Variants in ANO2 observed in about 807,000 individuals in gnomAD.
ANO2 encodes anoctamin 2.
In ANO2, 101 loss-of-function variants were observed where a neutral mutation model predicts 124.2. The observed-to-expected ratio is 0.81, with a 90% CI of 0.69 to 0.96. The LOEUF (loss-of-function observed/expected upper bound fraction) is 0.96, where lower values mean the gene tolerates loss of function less well. Among genes scored for constraint, ANO2 ranks in the 40% least tolerant of loss-of-function variants. The pLI is 0.00. For missense variants in ANO2, 1,293 were observed against 1,274.5 expected (o/e 1.01, Z -0.22); for synonymous variants, 486 against 482.5 (o/e 1.01, Z -0.09).
At chr12:5,825,261 T>C (rs977535486) in intron 7 of ANO2, among the ~76,000 whole-genome samples, 1 of 152,218 alleles carries the variant, frequency 6.6e-6, no homozygotes, top group African/African-American at 2.4e-5. Context: ...AATGGTGGAA[T>C]GGCCTTTTGA....
At chr12:5,735,075 C>T (rs746539978) in intron 13 of ANO2, among the ~76,000 whole-genome samples, 1 of 152,182 alleles carries the variant, frequency 6.6e-6, no homozygotes, top group Non-Finnish European at 1.5e-5. Flanking sequence ...TCCCTCTTTG[C>T]AGCCAAGCAA....
intron 7 of ANO2, among the ~76,000 whole-genome samples, chr12:5,820,371 T>C (rs1029429686): frequency 6.6e-6 from 1 of 152,176 alleles, no homozygotes; most frequent in Non-Finnish European, 1.5e-5. Context: ...CAAAACGTCA[T>C]TGTGATCCTC....
chr12:5,655,924 G>A (rs1947129789), intron 14 of ANO2, among the ~76,000 whole-genome samples: 1 of 152,168 alleles, frequency 6.6e-6, no homozygotes, highest in South Asian at 2.1e-4. Context: ...CCAAAACTCA[G>A]GAAGGGACAT....
intron 14 of ANO2, among the ~76,000 whole-genome samples, chr12:5,688,960 G>C (rs999968584): frequency 3.9e-5 from 6 of 151,982 alleles, no homozygotes; most frequent in African/African-American, 1.5e-4. Flanking sequence ...GATCTCACTA[G>C]GTGTGAAATG....
At chr12:5,894,075 T>C (rs752963582) in intron 3 of ANO2, among the ~76,000 whole-genome samples, 1 of 152,172 alleles carries the variant, frequency 6.6e-6, no homozygotes, top group Non-Finnish European at 1.5e-5. Flanking sequence ...CTGTCTTCCA[T>C]AATGATTGAA....
chr12:5,635,076 A>T lies in ANO2; in HGVS notation c.1816+76T>A. 2.3e-6 allele frequency: 3 copies of T among 1,312,688 alleles called. No individual in the cohort carries two copies. The highest frequency in any genetic ancestry group is 3.0e-6 in the Non-Finnish European group (3 of 989,186). 81.3% of individuals were successfully genotyped at this position (1,312,688 alleles called of 1,614,324 possible). ...ATCCTGTCCCTGTCCCATTTTTTTT[A>T]TTTTATCACCAAAAGCCTTGCACGC... On this transcript the variant is annotated intron_variant, in intron 16 of 24. Transcript: ENST00000682330. The surrounding 1 kb of genome is among the most constrained non-coding windows in gnomAD (Gnocchi z 5.2).
At chr12:5,578,276 C>T in intron 21 of ANO2, 90 bp downstream of exon 21, 2 of 1,515,556 alleles carry the variant, frequency 1.3e-6, no homozygotes, top group Non-Finnish European at 1.8e-6. Context: ...TTTCCCAGCC[C>T]TCTTGATTCC....
At chr12:5,746,922 T>C (rs1951281338) in intron 11 of ANO2, among the ~76,000 whole-genome samples, 1 of 152,244 alleles carries the variant, frequency 6.6e-6, no homozygotes, top group Non-Finnish European at 1.5e-5. Context: ...AATCAATCCC[T>C]TGGTGAGTAG....
chr12:5,657,457 G>A (rs1034658182), intron 14 of ANO2, among the ~76,000 whole-genome samples: 1 of 151,714 alleles, frequency 6.6e-6, no homozygotes, highest in Non-Finnish European at 1.5e-5. Context: ...TCCAGAAAGA[G>A]AGGAAAAATG....
intron 20 of ANO2, among the ~76,000 whole-genome samples, chr12:5,595,962 C>T (rs1943639928): frequency 6.6e-6 from 1 of 152,150 alleles, no homozygotes; most frequent in Non-Finnish European, 1.5e-5. Context: ...TCATATATTG[C>T]CCATGCCTGG....
At chr12:5,672,101 C>T (rs61908101) in intron 14 of ANO2, among the ~76,000 whole-genome samples, 55 of 152,302 alleles carry the variant, frequency 3.6e-4, no homozygotes, top group African/African-American at 1.3e-3. Flanking sequence ...AGCTCTATCT[C>T]GGTCTGCAGG....
At chr12:5,792,577 C>T (rs1282583930) in intron 10 of ANO2, among the ~76,000 whole-genome samples, 1 of 152,194 alleles carries the variant, frequency 6.6e-6, no homozygotes, top group Non-Finnish European at 1.5e-5. Flanking sequence ...TGCTGCATCA[C>T]ATCACACTGA....
At chr12:5,732,896 T>C (rs1950703029) in intron 13 of ANO2, 1 of 1,613,840 alleles carries the variant, frequency 6.2e-7, no homozygotes, top group East Asian at 2.2e-5. Context: ...AGCGCCGGTG[T>C]TGAGAAAAAG....
At chr12:5,828,284 C>T (rs1222993796) in intron 6 of ANO2, among the ~76,000 whole-genome samples, 1 of 152,066 alleles carries the variant, frequency 6.6e-6, no homozygotes, top group African/African-American at 2.4e-5. Flanking sequence ...CAGCCTGGAG[C>T]CCGGCTGACA....
At chr12:5,861,803 C>A (rs1015917286) in intron 3 of ANO2, among the ~76,000 whole-genome samples, 9 of 152,314 alleles carry the variant, frequency 5.9e-5, no homozygotes, top group African/African-American at 2.2e-4. Flanking sequence ...CTGGGAGCCC[C>A]ACACTCTCAG....
At chr12:5,821,986 G>A (rs1397536631) in intron 7 of ANO2, among the ~76,000 whole-genome samples, 1 of 152,148 alleles carries the variant, frequency 6.6e-6, no homozygotes, top group Admixed American at 6.5e-5. Context: ...AGTTGACAGA[G>A]GAAGAGAAGA....
chr12:5,674,475 A>C (rs1162225402), intron 14 of ANO2, among the ~76,000 whole-genome samples: 1 of 152,214 alleles, frequency 6.6e-6, no homozygotes, highest in Admixed American at 6.5e-5. Context: ...GCCAGAATGG[A>C]AGGAACTAAC....
intron 15 of ANO2, among the ~76,000 whole-genome samples, chr12:5,643,331 T>A (rs1946476011): frequency 6.6e-6 from 1 of 152,256 alleles, no homozygotes; most frequent in South Asian, 2.1e-4. Context: ...AAACTGTATA[T>A]ATTCTTTCAT....
chr12:5,739,471 C>T (rs1177670618), intron 12 of ANO2, 72 bp from the exon 13 acceptor site: 19 of 1,271,710 alleles, frequency 1.5e-5, no homozygotes, highest in Non-Finnish European at 2.2e-6. Context: ...TTGGGCTCAC[C>T]AGTGGAGGTG....
Sources: allele counts gnomAD v4.1 joint callset (sites outside exome capture counted in the v4.1 genomes callset), GRCh38; gene constraint gnomAD v4.1.1; non-coding constraint Gnocchi (gnomAD v3.1); transcripts MANE v1.5; gene names NCBI Gene and HGNC (gene_info 2026-07-23, HGNC 2026-07-21).